The following ATP10B variants were observed in gnomAD, a reference collection of about 807,000 sequenced individuals.
The protein encoded by ATP10B is phospholipid-transporting ATPase VB.
A neutral mutation model predicts 141.2 loss-of-function variants in ATP10B; 122 were observed. The ratio of observed to expected loss-of-function variants is 0.86; its 90% CI spans 0.75 to 1.00. The LOEUF is 1.00. Ranked by LOEUF, ATP10B falls within the 50% of genes least tolerant of loss-of-function variation. ATP10B has a pLI of 0.00. For missense variants in ATP10B, 1,876 were observed against 1,825.3 expected (o/e 1.03, Z -0.51); for synonymous variants, 685 against 692.0 (o/e 0.99, Z 0.16).
At chr5:160,925,455 TGC>T in the ATP10B span, among the ~76,000 whole-genome samples, 1 of 152,242 alleles carries the variant, frequency 6.6e-6, no homozygotes, top group Non-Finnish European at 1.5e-5. Context: ...TTGGGAAAAT[TGC>T]CCAAGGTCAC....
At chr5:160,667,788 G>T (rs1356631739) in intron 7 of ATP10B, among the ~76,000 whole-genome samples, 1 of 152,106 alleles carries the variant, frequency 6.6e-6, no homozygotes, top group Non-Finnish European at 1.5e-5. Flanking sequence ...GGGAACTGCT[G>T]CCAAAGACAA....
At chr5:160,613,859 T>C (rs980270129) in intron 17 of ATP10B, 1 of 152,226 alleles carries the variant, frequency 6.6e-6, no homozygotes, top group Non-Finnish European at 1.5e-5. Context: ...TTGAGATTCA[T>C]TTCAGATCAC....
chr5:160,874,270 G>GC, the ATP10B span, among the ~76,000 whole-genome samples: 3 of 151,170 alleles, frequency 2.0e-5, no homozygotes, highest in Admixed American at 6.6e-5. Context: ...CCCCAGGAGG[G>GC]TACACTGACA....
At chr5:160,766,039 T>TA (rs766038603) in intron 2 of ATP10B, among the ~76,000 whole-genome samples, 16 of 152,050 alleles carry the variant, frequency 1.1e-4, no homozygotes, top group Non-Finnish European at 2.1e-4. Flanking sequence ...AGCCATCATT[T>TA]AAAAATAAAA....
chr5:160,902,091 C>T, the ATP10B span, among the ~76,000 whole-genome samples: 1 of 152,084 alleles, frequency 6.6e-6, no homozygotes, highest in South Asian at 2.1e-4. Flanking sequence ...AGGTCATATA[C>T]AAAAAGAGTT....
At chr5:160,775,086 A>G (rs894838242) in intron 2 of ATP10B, among the ~76,000 whole-genome samples, 2 of 152,050 alleles carry the variant, frequency 1.3e-5, no homozygotes, top group Admixed American at 1.3e-4. Context: ...TTTGAACGCA[A>G]CTCTGTTCGT....
chr5:160,833,862 T>C (rs1775261624), intron 1 of ATP10B, among the ~76,000 whole-genome samples: 1 of 152,170 alleles, frequency 6.6e-6, no homozygotes, highest in Non-Finnish European at 1.5e-5. Flanking sequence ...AATGTTTTCA[T>C]GCAAAATAGT....
At chr5:160,830,005 G>C (rs1477617846) in intron 1 of ATP10B, among the ~76,000 whole-genome samples, 1 of 152,070 alleles carries the variant, frequency 6.6e-6, no homozygotes, top group African/African-American at 2.4e-5. Context: ...GGAGTGGTGG[G>C]AGTGGGCATC....
the ATP10B span, among the ~76,000 whole-genome samples, chr5:160,916,506 G>T: frequency 1.3e-5 from 2 of 152,184 alleles, no homozygotes; most frequent in African/African-American, 2.4e-5. Flanking sequence ...GCTAAGCAAT[G>T]AAATCACAAC....
chr5:160,897,852 A>G, the ATP10B span, among the ~76,000 whole-genome samples: 1 of 152,188 alleles, frequency 6.6e-6, no homozygotes, highest in Non-Finnish European at 1.5e-5. Context: ...TATATAGACC[A>G]ATGGAACAGA....
chr5:160,602,937 C>T (rs1757174431), intron 20 of ATP10B: 1 of 433,572 alleles, frequency 2.3e-6, no homozygotes, highest in African/African-American at 2.0e-5. Context: ...GTGGTCTAGG[C>T]TGGCTCTTCA....
At chr5:160,645,848 G>A (rs990298058) in intron 8 of ATP10B, among the ~76,000 whole-genome samples, 1 of 152,108 alleles carries the variant, frequency 6.6e-6, no homozygotes, top group Non-Finnish European at 1.5e-5. Flanking sequence ...AACCTTATAA[G>A]ACAGGGCTTA....
intron 15 of ATP10B, among the ~76,000 whole-genome samples, chr5:160,619,455 A>G (rs1758198384): frequency 6.6e-6 from 1 of 152,168 alleles, no homozygotes; most frequent in Non-Finnish European, 1.5e-5. Flanking sequence ...CCCTTGACTC[A>G]GAAGTACTGA....
At chr5:160,723,056 C>T (rs1284158817) in intron 2 of ATP10B, among the ~76,000 whole-genome samples, 1 of 152,198 alleles carries the variant, frequency 6.6e-6, no homozygotes, top group Non-Finnish European at 1.5e-5. Flanking sequence ...ACCATCTAAC[C>T]TATCTGTGGT....
At chr5:160,617,320 G>A (rs1161327231) in intron 16 of ATP10B, among the ~76,000 whole-genome samples, 1 of 152,188 alleles carries the variant, frequency 6.6e-6, no homozygotes, top group Non-Finnish European at 1.5e-5. Flanking sequence ...CTATGGCTGG[G>A]CTGAGTGCAA....
At chr5:160,893,261 C>T in the ATP10B span, among the ~76,000 whole-genome samples, 1 of 152,138 alleles carries the variant, frequency 6.6e-6, no homozygotes, top group Non-Finnish European at 1.5e-5. Flanking sequence ...CAGCAGATCC[C>T]ACCCCTACAG....
At chr5:160,754,485 G>T (rs1768376327) in intron 2 of ATP10B, among the ~76,000 whole-genome samples, 2 of 152,176 alleles carry the variant, frequency 1.3e-5, no homozygotes, top group Admixed American at 6.5e-5. Context: ...TATGGCAAGG[G>T]TCTGTGGAAA....
At chr5:160,879,618 G>A in the ATP10B span, among the ~76,000 whole-genome samples, 4 of 151,396 alleles carry the variant, frequency 2.6e-5, no homozygotes, top group Non-Finnish European at 4.4e-5. Context: ...GTGGGTGGAC[G>A]GTGAGGTCAA....
intron 7 of ATP10B, among the ~76,000 whole-genome samples, chr5:160,662,007 GACAA>G (rs751701688): frequency 1.3e-5 from 2 of 152,022 alleles, no homozygotes; most frequent in Non-Finnish European, 1.5e-5. Context: ...ACCAATAACA[GACAA>G]ACAGTCAAAT....
Sources: allele counts gnomAD v4.1 joint callset (sites outside exome capture counted in the v4.1 genomes callset), GRCh38; gene constraint gnomAD v4.1.1; transcripts MANE v1.5; gene names NCBI Gene and HGNC (gene_info 2026-07-23, HGNC 2026-07-21).